The following ERBB2 variants were observed in gnomAD, a reference collection of about 807,000 sequenced individuals.
ERBB2 encodes the protein receptor tyrosine-protein kinase erbB-2.
In ERBB2, 61 loss-of-function variants were observed where a neutral mutation model predicts 149.0. The observed-to-expected ratio is 0.41, with a 90% CI of 0.33 to 0.51. The LOEUF is 0.51. Ranked by LOEUF, ERBB2 falls within the 20% of genes least tolerant of loss-of-function variation. The pLI, the probability that ERBB2 is intolerant of heterozygous loss-of-function variation, is 0.25. For missense variants in ERBB2, 1,205 were observed against 1,655.1 expected (o/e 0.73, Z 4.72); for synonymous variants, 633 against 678.8 (o/e 0.93, Z 1.05).
In ERBB2 at chr17:39,726,118, G is replaced by A; in HGVS notation, c.2872+265G>A. Reference sequence around the variant, plus strand: ...GGAGGCTGAGGTGGGAGGATCCCTTGAAGCCAGGAGTTCAAGACCAGCCTG... The same window carrying A: ...GGAGGCTGAGGTGGGAGGATCCCTTAAAGCCAGGAGTTCAAGACCAGCCTG... On this transcript the variant is annotated intron_variant, in intron 23 of 26. Coordinates refer to ENST00000269571, the MANE Select transcript of ERBB2 (RefSeq NM_004448.4). This position sits in a 1 kb window ranked among gnomAD's most constrained non-coding sequence, Gnocchi z 5.1. 2.1e-6 allele frequency: 1 copy of A among 471,854 alleles called. No individual in the cohort carries two copies. The highest frequency in any genetic ancestry group is 4.0e-5 in the East Asian group (1 of 25,106). The allele number at this position is 471,854 out of a possible 1,614,324, so 29.2% of individuals were successfully genotyped here.
chr17:39,724,187 C>T (rs2059605099), intron 19 of ERBB2, among the ~76,000 whole-genome samples, 177 bp downstream of exon 19: 1 of 151,466 alleles, frequency 6.6e-6, no homozygotes, highest in Admixed American at 6.6e-5. Context: ...GGCGTTATCT[C>T]GGCTCACTGC....
chr17:39,724,139 G>T, intron 19 of ERBB2, 129 bp downstream of exon 19: 1 of 646,614 alleles, frequency 1.5e-6, no homozygotes, highest in East Asian at 2.8e-5. Context: ...TTTTTTTGGA[G>T]ACGGAGTCTT....
At chr17:39,717,925 T>G (rs775553688) in intron 15 of ERBB2, among the ~76,000 whole-genome samples, 8 of 152,164 alleles carry the variant, frequency 5.3e-5, no homozygotes, top group Non-Finnish European at 1.0e-4. Flanking sequence ...GCAATTCTCC[T>G]GCTTCCGCCT....
At chr17:39,724,272 A>ATGTTTTTTTTTTTTTTTTTT (rs2059615231) in intron 19 of ERBB2, among the ~76,000 whole-genome samples, 1 of 77,016 alleles carries the variant, frequency 1.3e-5, no homozygotes, top group African/African-American at 4.6e-5. Flanking sequence ...GCGCCCGCTA[A>ATGTTTTTTTTTTTTTTTTTT]TTTTTTTTTT....
In ERBB2 at chr17:39,717,456, C is replaced by T. The variant is rs759078493; in HGVS notation, c.1874C>T (p.Pro625Leu). 29 of 1,613,114 alleles carry T rather than the reference C, an allele frequency of 1.8e-5. No homozygotes were observed. In the Admixed American group the frequency reaches 4.7e-4, roughly 26 times the overall value. ...KFPDEEGACQ[P>L]CPINCTHSCV... ...CCAGATGAGGAGGGCGCATGCCAGC[C>T]TTGCCCCATCAACTGCACCCACTCG... The change falls in exon 15 of 27, where the codon CCT becomes CTT. Residue 625 changes from proline to leucine, a missense_variant. By Grantham distance (98) the Pro-to-Leu change is moderately conservative. This residue lies in a region of ERBB2 where 569 missense variants were observed against 803.5 expected (regional missense o/e 0.71). Coordinates refer to ENST00000269571, the MANE Select transcript of ERBB2 (RefSeq NM_004448.4).
Position 39,723,320 on chromosome 17 carries a change from CCTCTGACGTCCATCAT to C in ERBB2, c.1954_1969del (p.Thr652ArgfsTer44). 1 of 1,614,086 alleles carries C rather than the reference CCTCTGACGTCCATCAT, an allele frequency of 6.2e-7. No individual in the cohort carries two copies. Among genetic ancestry groups the C allele is most frequent in the Non-Finnish European group, 8.5e-7 (1 of 1,179,962 alleles). On this transcript the variant is annotated frameshift_variant and splice_region_variant, in exon 17 of 27. Transcript: ENST00000269571. LOFTEE classifies it high-confidence loss of function. The surrounding 1 kb of genome is among the most constrained non-coding windows in gnomAD (Gnocchi z 6.2). ...CCTGACCCTGGCTTCCGCCCCCAGC[CCTCTGACGTCCATCAT>C]CTCTGCGGTGGTTGGCATTCTGCTG...
At chr17:39,719,882 A>C in intron 16 of ERBB2, 48 bp downstream of exon 16, 2 of 1,579,020 alleles carry the variant, frequency 1.3e-6, no homozygotes, top group Non-Finnish European at 1.7e-6. Context: ...TCACTCCCCC[A>C]CTGGATGCTG....
chr17:39,709,376 GA>G lies in ERBB2; in HGVS notation c.499del (p.Ile167PhefsTer17). The G allele has an allele frequency of 6.2e-7, 1 of 1,614,008 alleles. No individual in the cohort carries two copies. Among genetic ancestry groups the G allele is most frequent in the Non-Finnish European group, 8.5e-7 (1 of 1,179,964 alleles). ...ACCCCCAGCTCTGCTACCAGGACAC[GA>G]TTTTGTGGAAGGACATCTTCCACAA... The part of the protein sequence containing the change: ...RNPQLCYQDT[I>X]LWKDIFHKNN... On this transcript the variant is annotated frameshift_variant, in exon 4 of 27. Transcript: ENST00000269571. LOFTEE classifies it high-confidence loss of function.
intron 1 of ERBB2, among the ~76,000 whole-genome samples, chr17:39,704,842 C>T (rs535805359): frequency 6.6e-6 from 1 of 152,272 alleles, no homozygotes; most frequent in East Asian, 1.9e-4. Context: ...CGTTCTGACC[C>T]TCCAGCCCAA....
intron 19 of ERBB2, 83 bp from the exon 20 acceptor site, chr17:39,724,643 T>G: frequency 7.9e-7 from 1 of 1,262,602 alleles, no homozygotes; most frequent in Non-Finnish European, 1.1e-6. Context: ...GGGCCATGGC[T>G]GTGGTTTGTG....
Position 39,704,059 on chromosome 17 carries a change from G to A in ERBB2, c.74-2931G>A, listed in dbSNP as rs559775032. Among the ~76,000 whole-genome samples, 5 of 152,304 alleles carry A rather than the reference G, an allele frequency of 3.3e-5. No homozygotes were observed. In the South Asian group the frequency reaches 1.0e-3, roughly 32 times the overall value. ...TGTGACCAGCTCTGAGCAGAGAGAT[G>A]GATTCCATGACCTCAACTGGTCCCT... On this transcript the variant is annotated intron_variant, in intron 1 of 26. Coordinates refer to ENST00000269571, the MANE Select transcript of ERBB2 (RefSeq NM_004448.4).
chr17:39,709,552 C>G (rs2145482846), intron 4 of ERBB2, 100 bp downstream of exon 4: 2 of 1,382,024 alleles, frequency 1.4e-6, no homozygotes, highest in Non-Finnish European at 2.0e-6. Flanking sequence ...ACTGCCCCAG[C>G]CGCCTACACC....
intron 1 of ERBB2, 95 bp downstream of exon 1, chr17:39,700,406 C>G (rs987751025): frequency 9.8e-7 from 1 of 1,024,158 alleles, no homozygotes; most frequent in Non-Finnish European, 1.3e-6. Context: ...CAGAGGGGCC[C>G]GGACGAGCTC....
Position 39,716,282 on chromosome 17 carries a change from C to T in ERBB2, c.1514-19C>T, listed in dbSNP as rs2145672692. ...GCCTCCCCTAAAAGTCCCCTGCGGT[C>T]CCTTCCTCCTCACTGCAGTGGGCGA... On this transcript the variant is annotated intron_variant, in intron 12 of 26. Transcript: ENST00000269571. 1 of 1,564,500 alleles carries T rather than the reference C, an allele frequency of 6.4e-7. No individual in the cohort carries two copies. Among genetic ancestry groups the T allele is most frequent in the Non-Finnish European group, 8.6e-7 (1 of 1,159,276 alleles).
chr17:39,691,888 G>GATAT (rs1436428719), upstream of ERBB2, among the ~76,000 whole-genome samples: 40 of 128,274 alleles, frequency 3.1e-4, no homozygotes, highest in African/African-American at 1.2e-3. Flanking sequence ...TATAGATATA[G>GATAT]ATATAGATAT....
At chr17:39,718,848 C>T (rs2059294361) in intron 15 of ERBB2, among the ~76,000 whole-genome samples, 1 of 152,166 alleles carries the variant, frequency 6.6e-6, no homozygotes, top group African/African-American at 2.4e-5. Context: ...TTGAGCTCCA[C>T]ACACAAGTGA....
upstream of ERBB2, among the ~76,000 whole-genome samples, chr17:39,692,694 C>T (rs894914922): frequency 1.6e-4 from 25 of 152,114 alleles, no homozygotes; most frequent in Admixed American, 5.9e-4. Flanking sequence ...CGTGAGCCAC[C>T]GTGCCTGGCC....
chr17:39,693,663 C>A (rs567116661), upstream of ERBB2, among the ~76,000 whole-genome samples: 1 of 151,780 alleles, frequency 6.6e-6, no homozygotes, highest in Non-Finnish European at 1.5e-5. Context: ...GAGGCTGAGG[C>A]AGGAGAATTG....
At chr17:39,700,347 G>A (rs1440589077) in intron 1 of ERBB2, 36 bp downstream of exon 1, 1 of 1,318,196 alleles carries the variant, frequency 7.6e-7, no homozygotes, top group Non-Finnish European at 9.7e-7. Flanking sequence ...GAGCAGCGGC[G>A]GGACCCTGCC....
Sources: allele counts gnomAD v4.1 joint callset (sites outside exome capture counted in the v4.1 genomes callset), GRCh38; gene constraint gnomAD v4.1.1; regional missense constraint gnomAD v4.1.1; non-coding constraint Gnocchi (gnomAD v3.1); transcripts MANE v1.5; gene names NCBI Gene and HGNC (gene_info 2026-07-23, HGNC 2026-07-21).